DSCAML1: variants seen among roughly 807,000 people sequenced by gnomAD.
The protein encoded by DSCAML1 is cell adhesion molecule DSCAML1.
A neutral mutation model predicts 200.5 loss-of-function variants in DSCAML1; 38 were observed. That is an observed-to-expected ratio of 0.19 (90% CI 0.15 to 0.25). DSCAML1 has a LOEUF of 0.25. DSCAML1 is among the 10% of genes least tolerant of loss of function. The pLI, the probability that DSCAML1 is intolerant of heterozygous loss-of-function variation, is 1.00. For missense variants in DSCAML1, 2,223 were observed against 2,858.8 expected (o/e 0.78, Z 5.07); for synonymous variants, 1,215 against 1,165.0 (o/e 1.04, Z -0.87).
intron 29 of DSCAML1, among the ~76,000 whole-genome samples, chr11:117,432,825 T>C (rs60251786): frequency 0.035 from 5,344 of 151,786 alleles, 241 homozygotes; most frequent in African/African-American, 0.1. Context: ...TGCCCAGGCT[T>C]GTCTCGAACT....
At chr11:117,694,453 C>G (rs1042504308) in intron 3 of DSCAML1, among the ~76,000 whole-genome samples, 7 of 151,846 alleles carry the variant, frequency 4.6e-5, no homozygotes, top group African/African-American at 1.5e-4. Context: ...TCTCTTGAAA[C>G]CTGTTCTGTT....
chr11:117,816,146 C>A (rs2055804199), intron 1 of DSCAML1, among the ~76,000 whole-genome samples: 1 of 152,178 alleles, frequency 6.6e-6, no homozygotes, highest in Admixed American at 6.5e-5. Flanking sequence ...TATGAAGTGT[C>A]CCCAGCCTGT....
chr11:117,721,668 TATAA>T (rs2054042989), intron 3 of DSCAML1, among the ~76,000 whole-genome samples: 1 of 147,926 alleles, frequency 6.8e-6, no homozygotes, highest in African/African-American at 2.4e-5. Context: ...ATATGTAATA[TATAA>T]ATATATAAGC....
chr11:117,602,253 C>T (rs1005351033), intron 3 of DSCAML1, among the ~76,000 whole-genome samples: 15 of 152,364 alleles, frequency 9.8e-5, no homozygotes, highest in Admixed American at 7.2e-4. Context: ...GCTCCCTTTG[C>T]TCCACGACGG....
intron 3 of DSCAML1, among the ~76,000 whole-genome samples, chr11:117,712,035 T>C (rs2053858565): frequency 6.6e-6 from 1 of 152,242 alleles, no homozygotes; most frequent in Non-Finnish European, 1.5e-5. Context: ...TTAATGCATA[T>C]GCTTTTAGAG....
At chr11:117,653,654 C>T (rs1242206503) in intron 3 of DSCAML1, among the ~76,000 whole-genome samples, 2 of 152,068 alleles carry the variant, frequency 1.3e-5, no homozygotes, top group South Asian at 2.1e-4. Context: ...GGCAGCTCCT[C>T]GAAAGGTTCA....
intron 3 of DSCAML1, among the ~76,000 whole-genome samples, chr11:117,636,519 C>T (rs2052286782): frequency 6.6e-6 from 1 of 152,130 alleles, no homozygotes; most frequent in Non-Finnish European, 1.5e-5. Context: ...CCTAGGCAGG[C>T]CAGAATAGGA....
intron 3 of DSCAML1, among the ~76,000 whole-genome samples, chr11:117,736,102 G>T (rs767930946): frequency 6.6e-6 from 1 of 152,198 alleles, no homozygotes; most frequent in Non-Finnish European, 1.5e-5. Context: ...GCAGCTTAAA[G>T]TGATGTTATA....
At chr11:117,447,531 C>T (rs1237898917) in intron 20 of DSCAML1, among the ~76,000 whole-genome samples, 1 of 152,086 alleles carries the variant, frequency 6.6e-6, no homozygotes, top group African/African-American at 2.4e-5. Flanking sequence ...TTTTTACTTT[C>T]CTCTCTATTC....
chr11:117,437,842 C>T lies in DSCAML1; in HGVS notation c.4432+53G>A, dbSNP rs2047952071. 1 of 1,522,492 alleles carries T rather than the reference C, an allele frequency of 6.6e-7. No homozygotes were observed. The highest frequency in any genetic ancestry group is 2.3e-5 in the East Asian group (1 of 43,182). The allele number at this position is 1,522,492 out of a possible 1,614,324, so 94.3% of individuals were successfully genotyped here. On this transcript the variant is annotated intron_variant, in intron 25 of 32. Coordinates refer to ENST00000651296, the MANE Select transcript of DSCAML1 (RefSeq NM_020693.4). The surrounding 1 kb of genome is among the most constrained non-coding windows in gnomAD (Gnocchi z 5.3). ...ACACCCCATACCTGGCCCCTCTAGC[C>T]CACCCTCCCTGGGCCCATCGCTCCT...
chr11:117,446,738 A>G (rs1413221048), intron 20 of DSCAML1, among the ~76,000 whole-genome samples: 1 of 152,252 alleles, frequency 6.6e-6, no homozygotes, highest in Admixed American at 6.5e-5. Flanking sequence ...CCCTGCTGGT[A>G]GAAACATACA....
At chr11:117,817,437 G>T (rs987205876) in exon 1 of DSCAML1, 1 of 152,286 alleles carries the variant, frequency 6.6e-6, no homozygotes, top group Non-Finnish European at 1.5e-5. Flanking sequence ...AGTTCACCTG[G>T]GGAGGCTGAA....
chr11:117,566,322 T>A (rs1158842366), intron 3 of DSCAML1, among the ~76,000 whole-genome samples: 1 of 150,562 alleles, frequency 6.6e-6, no homozygotes, highest in African/African-American at 2.4e-5. Flanking sequence ...TCTGTCTCTC[T>A]TTCTCCCTTT....
At chr11:117,595,417 G>T (rs1049489924) in intron 3 of DSCAML1, among the ~76,000 whole-genome samples, 1 of 152,086 alleles carries the variant, frequency 6.6e-6, no homozygotes, top group Non-Finnish European at 1.5e-5. Context: ...TTTTTGGAAG[G>T]GTGATGGAGA....
chr11:117,672,391 T>C (rs1243447311), intron 3 of DSCAML1, among the ~76,000 whole-genome samples: 1 of 152,110 alleles, frequency 6.6e-6, no homozygotes, highest in Non-Finnish European at 1.5e-5. Context: ...ACTGGCCATT[T>C]TCCCCCCACT....
chr11:117,652,399 C>T (rs903188549), intron 3 of DSCAML1, among the ~76,000 whole-genome samples: 19 of 152,204 alleles, frequency 1.2e-4, no homozygotes, highest in South Asian at 6.2e-4. Context: ...TAGAGGGCGG[C>T]GTAGCCCCTG....
chr11:117,631,470 T>C (rs1395501467), intron 3 of DSCAML1, among the ~76,000 whole-genome samples: 1 of 152,200 alleles, frequency 6.6e-6, no homozygotes, highest in South Asian at 2.1e-4. Flanking sequence ...GTCTTCTTAG[T>C]GTCCCCCTCC....
chr11:117,624,731 G>A (rs1591334198), intron 3 of DSCAML1, among the ~76,000 whole-genome samples: 1 of 152,264 alleles, frequency 6.6e-6, no homozygotes, highest in East Asian at 1.9e-4. Context: ...CCCACGGAGA[G>A]ACCTGGTAAG....
intron 3 of DSCAML1, among the ~76,000 whole-genome samples, chr11:117,727,466 C>G (rs1014646152): frequency 6.6e-6 from 1 of 152,194 alleles, no homozygotes; most frequent in Non-Finnish European, 1.5e-5. Flanking sequence ...CTCACTCACC[C>G]TAAGTTGGGT....
Sources: gnomAD v4.1 joint callset for allele counts (sites outside exome capture counted in the v4.1 genomes callset) on GRCh38, gnomAD v4.1.1 for gene constraint, Gnocchi (gnomAD v3.1) non-coding constraint, MANE v1.5 for transcripts, NCBI Gene and HGNC (gene_info 2026-07-23, HGNC 2026-07-21) for gene names.